PDE9A: variants seen among roughly 807,000 people sequenced by gnomAD.
PDE9A encodes high affinity cGMP-specific 3',5'-cyclic phosphodiesterase 9A.
PDE9A carries 60 observed loss-of-function variants against 87.4 expected under a neutral mutation model. The ratio of observed to expected loss-of-function variants is 0.69; its 90% confidence interval spans 0.56 to 0.85. The LOEUF (loss-of-function observed/expected upper bound fraction) is 0.85, where lower values mean the gene tolerates loss of function less well. Among genes scored for constraint, PDE9A ranks in the 40% least tolerant of loss-of-function variants. PDE9A has a pLI of 0.00. For synonymous variants in PDE9A, 272 were observed against 279.4 expected (o/e 0.97, Z 0.27); for missense variants, 665 against 779.0 (o/e 0.85, Z 1.74).
At chr21:42,664,151 G>A (rs988953492) in intron 1 of PDE9A, among the ~76,000 whole-genome samples, 25 of 152,234 alleles carry the variant, frequency 1.6e-4, no homozygotes, top group African/African-American at 6.0e-4. Flanking sequence ...AAAGCTGGGG[G>A]TTTAGTGACT....
In PDE9A at chr21:42,692,086, G is replaced by A. The variant is rs781279003; in HGVS notation, c.218+4092G>A. Among the ~76,000 whole-genome samples, 10 of 152,190 alleles carry A rather than the reference G, an allele frequency of 6.6e-5. No homozygotes were observed. The highest frequency in any genetic ancestry group is 2.1e-4 in the South Asian group (1 of 4,824). ...TGAGGTTCTCACTGCTGCTGGCCCC[G>A]CTGGACGGTCTTCTCTCATAGGAAG... On this transcript the variant is annotated intron_variant, in intron 3 of 19. Coordinates refer to ENST00000291539, the MANE Select transcript of PDE9A (RefSeq NM_002606.3). This position sits in a 1 kb window ranked among gnomAD's most constrained non-coding sequence, Gnocchi z 4.3.
rs942247220 is a variant in PDE9A at position 42,761,219 on chromosome 21, G to A, written c.1085+312G>A. On this transcript the variant is annotated intron_variant, in intron 13 of 19. Coordinates refer to ENST00000291539, the MANE Select transcript of PDE9A (RefSeq NM_002606.3). ...CGGCGCCTTCTCCACCCCAGGCAGG[G>A]AGCAACACCTGTCCGCATGCAGGGA... Among the ~76,000 whole-genome samples the A allele has an allele frequency of 2.2e-4, 34 of 152,374 alleles. 1 individual carries two copies. The highest frequency in any genetic ancestry group is 8.3e-4 in the South Asian group (4 of 4,828).
intron 19 of PDE9A, among the ~76,000 whole-genome samples, chr21:42,774,547 T>C (rs991984241): frequency 6.6e-6 from 1 of 152,206 alleles, no homozygotes; most frequent in Non-Finnish European, 1.5e-5. Flanking sequence ...TTTGTCTAAA[T>C]GTGTTCAGCA....
chr21:42,744,326 C>T (rs2053618902), intron 8 of PDE9A, among the ~76,000 whole-genome samples: 2 of 152,076 alleles, frequency 1.3e-5, no homozygotes, highest in South Asian at 4.1e-4. Context: ...GCACTCCAGC[C>T]TGGGCTCGAC....
At chr21:42,768,927 G>A (rs1333505747) in intron 16 of PDE9A, 100 bp from the exon 17 acceptor site, 1 of 1,512,476 alleles carries the variant, frequency 6.6e-7, no homozygotes, top group Admixed American at 2.0e-5. Flanking sequence ...GGTTTGGTTG[G>A]TTGGTGGTTA....
intron 3 of PDE9A, among the ~76,000 whole-genome samples, chr21:42,690,455 A>G (rs546112375): frequency 6.6e-6 from 1 of 152,224 alleles, no homozygotes; most frequent in East Asian, 1.9e-4. Context: ...CAGATGCTCT[A>G]TCTATGATCG....
chr21:42,712,191 A>C (rs2049410175), intron 4 of PDE9A, among the ~76,000 whole-genome samples: 2 of 152,190 alleles, frequency 1.3e-5, no homozygotes, highest in African/African-American at 4.8e-5. Context: ...CCACTTATTT[A>C]GGTCTCATTT....
intron 4 of PDE9A, among the ~76,000 whole-genome samples, chr21:42,710,943 G>A (rs939589029): frequency 1.1e-4 from 17 of 152,098 alleles, no homozygotes; most frequent in African/African-American, 3.6e-4. Flanking sequence ...AGCTGAGATC[G>A]CGCCTTGCAC....
intron 14 of PDE9A, among the ~76,000 whole-genome samples, chr21:42,765,025 G>A (rs2056249783): frequency 1.3e-5 from 2 of 152,006 alleles, no homozygotes; most frequent in Admixed American, 6.6e-5. Context: ...ATGGATGGGT[G>A]GATGGGTGGA....
chr21:42,737,733 C>G (rs890523327), intron 7 of PDE9A, among the ~76,000 whole-genome samples: 1 of 152,236 alleles, frequency 6.6e-6, no homozygotes, highest in African/African-American at 2.4e-5. Context: ...GCTGAGATTA[C>G]AGGCGTGAGC....
Position 42,702,040 on chromosome 21 carries a change from A to C in PDE9A, c.262+3029A>C, listed in dbSNP as rs2048424557. The stretch of plus-strand genomic sequence containing the variant: ...ACTTTGGGATCATATTTTTCATGAA[A>C]TTTGGAATTTTTTCTGCTCTCCTCT... On this transcript the variant is annotated intron_variant, in intron 4 of 19. Transcript: ENST00000291539. The surrounding 1 kb of genome is among the most constrained non-coding windows in gnomAD (Gnocchi z 4.9). Among the ~76,000 whole-genome samples the C allele has an allele frequency of 6.6e-6, 1 of 152,018 alleles. No individual in the cohort carries two copies. The highest frequency in any genetic ancestry group is 2.1e-4 in the South Asian group (1 of 4,822).
intron 3 of PDE9A, among the ~76,000 whole-genome samples, chr21:42,689,153 G>C (rs1480942764): frequency 6.6e-6 from 1 of 152,158 alleles, no homozygotes. Flanking sequence ...GCCCCCCTCA[G>C]TGAGGCTTCA....
At chr21:42,775,173 C>T (rs2057396665) in intron 19 of PDE9A, 107 bp from the exon 20 acceptor site, 2 of 1,035,284 alleles carry the variant, frequency 1.9e-6, no homozygotes, top group Non-Finnish European at 2.9e-6. Context: ...AACTCCTGAC[C>T]TCGTGATCCA....
intron 2 of PDE9A, 38 bp from the exon 3 acceptor site, chr21:42,687,879 A>G (rs2839574): frequency 0.65 from 1,018,788 of 1,573,694 alleles, 336,836 homozygotes; most frequent in African/African-American, 0.93. Flanking sequence ...CCCAGAGCAC[A>G]CTATGGGCGA....
At chr21:42,774,307 G>T (rs1327189717) in intron 19 of PDE9A, among the ~76,000 whole-genome samples, 1 of 152,106 alleles carries the variant, frequency 6.6e-6, no homozygotes, top group Non-Finnish European at 1.5e-5. Flanking sequence ...TTGAGTCCAG[G>T]CTTGCCAATT....
chr21:42,740,571 A>C (rs1200774271), intron 7 of PDE9A, among the ~76,000 whole-genome samples: 1 of 143,648 alleles, frequency 7.0e-6, no homozygotes, highest in Non-Finnish European at 1.5e-5. Context: ...TGATGAATGC[A>C]TAGATGGATG....
intron 7 of PDE9A, among the ~76,000 whole-genome samples, chr21:42,740,687 CAGTA>C (rs1382808260): frequency 3.5e-5 from 5 of 141,344 alleles, no homozygotes; most frequent in African/African-American, 5.3e-5. Flanking sequence ...GATAGATACA[CAGTA>C]GGTAGGTAGG....
intron 4 of PDE9A, among the ~76,000 whole-genome samples, chr21:42,707,044 G>A (rs1485822315): frequency 6.6e-6 from 1 of 152,206 alleles, no homozygotes. Flanking sequence ...ATCAGCTGAT[G>A]GACATTTGGG....
rs1314577663 is a variant in PDE9A at position 42,692,249 on chromosome 21, G to GT, written c.218+4261dup. Among the ~76,000 whole-genome samples the GT allele has an allele frequency of 5.9e-4, 90 of 152,032 alleles. 1 individual carries two copies. The highest frequency in any genetic ancestry group is 2.0e-3 in the African/African-American group (82 of 41,442). On this transcript the variant is annotated intron_variant, in intron 3 of 19. Coordinates refer to ENST00000291539, the MANE Select transcript of PDE9A (RefSeq NM_002606.3). The surrounding 1 kb of genome is among the most constrained non-coding windows in gnomAD (Gnocchi z 4.3). ...CTCCCCCTCTGCACTGCCCAGAGCA[G>GT]TTTTTTCTTCTGGGGACGCAGGGCA... is the stretch of plus-strand genomic sequence containing the variant.
Sources: gnomAD v4.1 joint callset for allele counts (sites outside exome capture counted in the v4.1 genomes callset) on GRCh38, gnomAD v4.1.1 for gene constraint, Gnocchi (gnomAD v3.1) non-coding constraint, MANE v1.5 for transcripts, NCBI Gene and HGNC (gene_info 2026-07-23, HGNC 2026-07-21) for gene names.